Variants in GHITM observed in about 807,000 individuals in gnomAD.
GHITM encodes growth hormone-inducible transmembrane protein.
Under a neutral mutation model 38.7 loss-of-function variants are expected in GHITM, and 24 were observed. The ratio of observed to expected loss-of-function variants is 0.62; its 90% CI spans 0.45 to 0.87. The LOEUF (loss-of-function observed/expected upper bound fraction) is 0.87, where lower values mean the gene tolerates loss of function less well. Ranked by LOEUF, GHITM falls within the 40% of genes least tolerant of loss-of-function variation. The pLI, the probability that GHITM is intolerant of heterozygous loss-of-function variation, is 0.00. For synonymous variants in GHITM, 154 were observed against 147.8 expected (o/e 1.04, Z -0.30); for missense variants, 420 against 429.8 (o/e 0.98, Z 0.20).
chr10:84,142,007 C>G (rs991476698), intron 2 of GHITM, among the ~76,000 whole-genome samples: 1 of 152,144 alleles, frequency 6.6e-6, no homozygotes, highest in Non-Finnish European at 1.5e-5. Context: ...AATATATTAT[C>G]TCTTATTTAG....
chr10:84,147,624 TTG>T (rs1491005678), intron 5 of GHITM, among the ~76,000 whole-genome samples: 46 of 125,446 alleles, frequency 3.7e-4, no homozygotes, highest in Non-Finnish European at 4.9e-4. Flanking sequence ...TTCTTTTTTT[TTG>T]TTTGTTTTTT....
At chr10:84,151,057 C>G (rs1277552527) in intron 8 of GHITM, among the ~76,000 whole-genome samples, 177 bp downstream of exon 8, 1 of 152,158 alleles carries the variant, frequency 6.6e-6, no homozygotes, top group Non-Finnish European at 1.5e-5. Context: ...GGCCAGAAAT[C>G]TAAAATCAAG....
Position 84,148,712 on chromosome 10 carries a change from A to G in GHITM, c.484-18A>G, listed in dbSNP as rs746082253. 15 of 1,519,798 alleles carry G rather than the reference A, an allele frequency of 9.9e-6. No individual in the cohort carries two copies. The South Asian group carries it at 1.0e-4, about 10-fold the overall frequency. The allele number at this position is 1,519,798 out of a possible 1,614,324, so 94.1% of individuals were successfully genotyped here. A position where few individuals can be genotyped will look rare whatever the true frequency, so the allele number is the denominator to read the frequency against. On this transcript the variant is annotated intron_variant, in intron 5 of 8. Transcript: ENST00000372134. ...TTCATATAAAGATCAGTTTTTCTTA[A>G]TAGTACTTGTCTTTCAGACAATTGG...
intron 5 of GHITM, among the ~76,000 whole-genome samples, chr10:84,148,356 G>C (rs1221845142): frequency 6.6e-6 from 1 of 151,908 alleles, no homozygotes; most frequent in Non-Finnish European, 1.5e-5. Context: ...GCAGTGGCAC[G>C]ATCTTGCCTC....
intron 1 of GHITM, chr10:84,140,417 G>A (rs1841494894): frequency 6.6e-6 from 1 of 152,134 alleles, no homozygotes; most frequent in African/African-American, 2.4e-5. Flanking sequence ...TATTCCTAGG[G>A]GTAGAATCAT....
chr10:84,142,810 C>A, intron 3 of GHITM, 56 bp downstream of exon 3: 1 of 852,312 alleles, frequency 1.2e-6, no homozygotes. Flanking sequence ...TTTAAGAGGT[C>A]CATGAACAAC....
At chr10:84,149,732 AATT>A (rs1476958389) in intron 6 of GHITM, among the ~76,000 whole-genome samples, 1 of 152,196 alleles carries the variant, frequency 6.6e-6, no homozygotes, top group Non-Finnish European at 1.5e-5. Flanking sequence ...TGTTTATCTC[AATT>A]ATTATATGAA....
intron 6 of GHITM, 120 bp downstream of exon 6, chr10:84,148,958 C>A: frequency 1.5e-6 from 1 of 674,466 alleles, no homozygotes; most frequent in Non-Finnish European, 2.7e-6. Context: ...ACACCATTTT[C>A]TTCAGTCATT....
chr10:84,144,122 T>A lies in GHITM; in HGVS notation c.341+16T>A. 1 of 1,509,674 alleles carries A rather than the reference T, an allele frequency of 6.6e-7. No homozygotes were observed. The highest frequency in any genetic ancestry group is 9.2e-7 in the Non-Finnish European group (1 of 1,084,698). The allele number at this position is 1,509,674 out of a possible 1,614,324, so 93.5% of individuals were successfully genotyped here. Reference sequence around the variant, plus strand: ...AAAAGGCTGTGTAAGTAAATTGTTTTAAGTAAACTGTTCCTAAACAACTCC... The same window carrying A: ...AAAAGGCTGTGTAAGTAAATTGTTTAAAGTAAACTGTTCCTAAACAACTCC... On this transcript the variant is annotated intron_variant, in intron 4 of 8. Transcript: ENST00000372134.
At position 84,141,528 on chromosome 10, in the gene GHITM, C is replaced by T. The variant is rs749339506; in HGVS notation, c.28C>T (p.Arg10Trp). Residue 10 changes from arginine (R) to tryptophan (W), a missense_variant, in exon 2 of 9, where the codon CGG becomes TGG. By Grantham distance (101) the Arg-to-Trp change is moderately radical (BLOSUM62 -3). Transcript: ENST00000372134. MLAARLVCLRTLPSRVFHPA... is the reference protein window; with the variant it reads MLAARLVCLWTLPSRVFHPA... ...GTTGGCTGCAAGGCTGGTGTGTCTC[C>T]GGACACTACCTTCTAGGGTTTTCCA... 3.5e-5 allele frequency: 56 copies of T among 1,613,474 alleles called. No homozygotes were observed. The highest frequency in any genetic ancestry group is 3.3e-4 in the Middle Eastern group (2 of 6,082).
chr10:84,140,140 G>A (rs895682793), intron 1 of GHITM: 1 of 152,280 alleles, frequency 6.6e-6, no homozygotes, highest in African/African-American at 2.4e-5. Flanking sequence ...CCCACTCTGG[G>A]CTGTTACGCC....
intron 2 of GHITM, 49 bp downstream of exon 2, chr10:84,141,678 CCTTT>C (rs777611814): frequency 1.1e-5 from 17 of 1,598,610 alleles, no homozygotes; most frequent in Non-Finnish European, 1.5e-5. Flanking sequence ...CCATTTGTGC[CCTTT>C]CTTTTTGGCA....
chr10:84,151,292 G>T (rs903695418), intron 8 of GHITM, among the ~76,000 whole-genome samples: 1 of 152,106 alleles, frequency 6.6e-6, no homozygotes, highest in African/African-American at 2.4e-5. Flanking sequence ...CACACCAATG[G>T]CTTTGTCAGA....
chr10:84,144,220 C>T lies in GHITM; in HGVS notation c.341+114C>T, dbSNP rs527254825. On this transcript the variant is annotated intron_variant, in intron 4 of 8. Transcript: ENST00000372134. Reference sequence around the variant, plus strand: ...CACTTTGGAATGTTTTGTGTCTAGTCTTTGTGTATACACACAAATAGAGAA... The same window carrying T: ...CACTTTGGAATGTTTTGTGTCTAGTTTTTGTGTATACACACAAATAGAGAA... 3.0e-5 allele frequency: 20 copies of T among 666,586 alleles called. 1 individual carries two copies. The South Asian group carries it at 3.4e-4, about 11-fold the overall frequency. The allele number at this position is 666,586 out of a possible 1,614,324, so 41.3% of individuals were successfully genotyped here.
In GHITM at chr10:84,150,140, G is replaced by T. The variant is rs1425113637; in HGVS notation, c.678G>T (p.Val226=). Residue 226 remains valine (V), a synonymous_variant, in exon 7 of 9, where the codon GTG becomes GTT. Transcript: ENST00000372134. ...CTGCATGGTACACAGCTGGCATTGT[G>T]GGAGGCCTCTCCACTGTGGCCATGT... ...IRAAWYTAGI[V]GGLSTVAMCA... The T allele has an allele frequency of 6.8e-6, 11 of 1,614,058 alleles. No individual in the cohort carries two copies. The highest frequency in any genetic ancestry group is 9.3e-6 in the Non-Finnish European group (11 of 1,179,954).
At position 84,150,747 on chromosome 10, in the gene GHITM, A is replaced by T. The variant is rs1311177091; in HGVS notation, c.820A>T (p.Thr274Ser). The change falls in exon 8 of 9, where the codon ACT becomes TCT. Residue 274 changes from threonine to serine, a missense_variant. Thr to Ser is a moderately conservative substitution (Grantham distance 58). Coordinates refer to ENST00000372134, the MANE Select transcript of GHITM (RefSeq NM_014394.3). ...TCCACCTACCACCGTGGCTGGTGCC[A>T]CTCTTTACTCAGTGGCAATGTACGG... ...FLPPTTVAGA[T>S]LYSVAMYGGL... 20 of 1,612,408 alleles carry T rather than the reference A, an allele frequency of 1.2e-5. No individual in the cohort carries two copies. The highest frequency in any genetic ancestry group is 1.7e-5 in the Non-Finnish European group (20 of 1,178,802).
At chr10:84,142,618 T>G in intron 2 of GHITM, 37 bp from the exon 3 acceptor site, 1 of 1,272,254 alleles carries the variant, frequency 7.9e-7, no homozygotes, top group Non-Finnish European at 1.1e-6. Flanking sequence ...TCTGTTTTCA[T>G]GTGGGTGGTA....
intron 6 of GHITM, 118 bp from the exon 7 acceptor site, chr10:84,149,937 C>CT: frequency 1.2e-6 from 1 of 804,574 alleles, no homozygotes; most frequent in Non-Finnish European, 1.8e-6. Context: ...AAAGGCAGAA[C>CT]TTTTTGAATC....
chr10:84,142,600 A>C, intron 2 of GHITM, 55 bp from the exon 3 acceptor site: 1 of 1,107,010 alleles, frequency 9.0e-7, no homozygotes, highest in Non-Finnish European at 1.3e-6. Flanking sequence ...ATTTTATTTT[A>C]TTAACGTTCT....
Sources: allele counts gnomAD v4.1 joint callset (sites outside exome capture counted in the v4.1 genomes callset), GRCh38; gene constraint gnomAD v4.1.1; transcripts MANE v1.5; gene names NCBI Gene and HGNC (gene_info 2026-07-23, HGNC 2026-07-21).